KATNAL1: variants seen among roughly 807,000 people sequenced by gnomAD.
KATNAL1 encodes the protein katanin catalytic subunit A1 like 1.
A neutral mutation model predicts 55.2 loss-of-function variants in KATNAL1; 32 were observed. That is an observed-to-expected ratio of 0.58 (90% confidence interval 0.44 to 0.78). The LOEUF (loss-of-function observed/expected upper bound fraction) is 0.78. Ranked by LOEUF, KATNAL1 falls within the 30% of genes least tolerant of loss-of-function variation. KATNAL1 has a pLI of 0.00. For missense variants in KATNAL1, 466 were observed against 600.9 expected (o/e 0.78, Z 2.35); for synonymous variants, 193 against 193.6 (o/e 1.00, Z 0.02).
chr13:30,261,898 A>C (rs1398956961), intron 3 of KATNAL1, among the ~76,000 whole-genome samples: 1 of 151,944 alleles, frequency 6.6e-6, no homozygotes, highest in Non-Finnish European at 1.5e-5. Flanking sequence ...TCTCCACCCC[A>C]AATCAACAGA....
intron 8 of KATNAL1, among the ~76,000 whole-genome samples, chr13:30,227,941 T>G (rs1433391487): frequency 6.6e-6 from 1 of 152,200 alleles, no homozygotes; most frequent in African/African-American, 2.4e-5. Context: ...ATTTTAGTTT[T>G]TAATCTATTT....
At chr13:30,251,139 CA>C (rs34899786) in intron 4 of KATNAL1, among the ~76,000 whole-genome samples, 264 of 85,882 alleles carry the variant, frequency 3.1e-3, no homozygotes, top group Middle Eastern at 0.012. Context: ...GACTCTGCCT[CA>C]AAAAAAAAAA....
chr13:30,298,841 T>C (rs1010955385), intron 1 of KATNAL1, among the ~76,000 whole-genome samples: 2 of 151,262 alleles, frequency 1.3e-5, no homozygotes, highest in Admixed American at 1.3e-4. Context: ...TGCAACAGAG[T>C]AGAAAGAGAA....
At chr13:30,299,143 G>A (rs1882710008) in intron 1 of KATNAL1, among the ~76,000 whole-genome samples, 1 of 152,074 alleles carries the variant, frequency 6.6e-6, no homozygotes, top group African/African-American at 2.4e-5. Context: ...AAGGGTGTAG[G>A]GGGTTGGCAA....
At position 30,240,910 on chromosome 13, in the gene KATNAL1, T is replaced by C. The variant is rs149269379; in HGVS notation, c.620+49A>G. 2.1e-4 allele frequency: 318 copies of C among 1,549,260 alleles called. 2 individuals carry two copies. In the African/African-American group the frequency reaches 3.7e-3, roughly 18 times the overall value. The stretch of plus-strand genomic sequence containing the variant: ...AAAACTCACACACCAAGACAACCTA[T>C]AATTTGTGTTCTCCTCTACTTTAAT... On this transcript the variant is annotated intron_variant, in intron 5 of 10. Coordinates refer to ENST00000380615, the MANE Select transcript of KATNAL1 (RefSeq NM_032116.5).
intron 6 of KATNAL1, among the ~76,000 whole-genome samples, chr13:30,239,703 T>C (rs1175358397): frequency 1.3e-5 from 2 of 149,488 alleles, no homozygotes; most frequent in Admixed American, 1.3e-4. Flanking sequence ...TTTTTTTTTT[T>C]TGAGATGGAG....
At position 30,274,891 on chromosome 13, in the gene KATNAL1, A is replaced by ACATACGCGCGCG. The variant is rs55740915; in HGVS notation, c.323+5171_323+5172insCGCGCGCGTATG. Among the ~76,000 whole-genome samples the ACATACGCGCGCG allele has an allele frequency of 6.1e-3, 741 of 121,506 alleles. 1 individual carries two copies. Among genetic ancestry groups the ACATACGCGCGCG allele is most frequent in the East Asian group, 0.013 (49 of 3,914 alleles). 79.7% of individuals were successfully genotyped at this position (121,506 alleles called of 152,430 possible). On this transcript the variant is annotated intron_variant, in intron 3 of 10. Transcript: ENST00000380615. ...GGGGGCGGGGTGTGTGCACACACAT[A>ACATACGCGCGCG]CGCGCGCGCGCGCGCGCACACACAC... is the stretch of plus-strand genomic sequence containing the variant.
intron 9 of KATNAL1, among the ~76,000 whole-genome samples, chr13:30,216,953 G>C (rs956493015): frequency 3.3e-5 from 5 of 152,084 alleles, no homozygotes; most frequent in Non-Finnish European, 7.4e-5. Context: ...TTCTCCCACT[G>C]AAACAAAGTT....
chr13:30,229,656 T>A (rs1875876194), intron 8 of KATNAL1, among the ~76,000 whole-genome samples: 1 of 152,164 alleles, frequency 6.6e-6, no homozygotes, highest in Non-Finnish European at 1.5e-5. Context: ...AGGTCAAGGC[T>A]GCAGTGAGCT....
chr13:30,267,432 C>A (rs1310990157), intron 3 of KATNAL1, among the ~76,000 whole-genome samples: 1 of 152,152 alleles, frequency 6.6e-6, no homozygotes, highest in Non-Finnish European at 1.5e-5. Flanking sequence ...TGACATACTG[C>A]CAGCATTCAC....
intron 9 of KATNAL1, among the ~76,000 whole-genome samples, chr13:30,224,272 G>A (rs1875214508): frequency 6.6e-6 from 1 of 152,174 alleles, no homozygotes; most frequent in South Asian, 2.1e-4. Flanking sequence ...GCCAGGTGCA[G>A]TAGCTCACAT....
At position 30,290,326 on chromosome 13, in the gene KATNAL1, G is replaced by GA. The variant is rs1364301968; in HGVS notation, c.-14-6536dup. On this transcript the variant is annotated intron_variant, in intron 1 of 10. Transcript: ENST00000380615. Reference sequence around the variant, plus strand: ...CTAGTAGGATTGACCAGGAAAGAGAGAAAAAAAAAAATACACATTACCAAA... The same window carrying GA: ...CTAGTAGGATTGACCAGGAAAGAGAGAAAAAAAAAAAATACACATTACCAAA... 1.8e-3 allele frequency among the ~76,000 whole-genome samples: 255 copies of GA among 143,068 alleles called. 2 individuals carry two copies. The highest frequency in any genetic ancestry group is 4.0e-3 in the Admixed American group (58 of 14,422). The allele number at this position is 143,068 out of a possible 152,430, so 93.9% of individuals were successfully genotyped here.
At chr13:30,240,380 T>A (rs1382605638) in intron 6 of KATNAL1, 80 bp downstream of exon 6, 18 of 996,514 alleles carry the variant, frequency 1.8e-5, no homozygotes, top group Non-Finnish European at 2.8e-5. Flanking sequence ...GTTAAATACA[T>A]CAAAAACTAC....
At chr13:30,261,147 A>C (rs1358834394) in intron 3 of KATNAL1, among the ~76,000 whole-genome samples, 1 of 152,142 alleles carries the variant, frequency 6.6e-6, no homozygotes, top group Non-Finnish European at 1.5e-5. Flanking sequence ...GAAATAAAAT[A>C]CTTTACAGAC....
At chr13:30,269,065 T>TCTCCCC (rs1447278391) in intron 3 of KATNAL1, among the ~76,000 whole-genome samples, 1 of 151,964 alleles carries the variant, frequency 6.6e-6, no homozygotes, top group Non-Finnish European at 1.5e-5. Context: ...TCCCTCTCCC[T>TCTCCCC]CTCCCCCTCC....
At chr13:30,265,595 T>G (rs1879697874) in intron 3 of KATNAL1, among the ~76,000 whole-genome samples, 1 of 152,126 alleles carries the variant, frequency 6.6e-6, no homozygotes, top group Non-Finnish European at 1.5e-5. Flanking sequence ...TTCAACTTAT[T>G]AAATTTAACT....
chr13:30,255,875 T>C (rs566015575), intron 3 of KATNAL1, among the ~76,000 whole-genome samples: 66 of 152,258 alleles, frequency 4.3e-4, no homozygotes, highest in Non-Finnish European at 7.5e-4. Flanking sequence ...AAGTTAATTA[T>C]TAATCACCAA....
At chr13:30,235,815 A>G (rs906258904) in intron 6 of KATNAL1, among the ~76,000 whole-genome samples, 1 of 151,954 alleles carries the variant, frequency 6.6e-6, no homozygotes, top group African/African-American at 2.4e-5. Context: ...AATCCCCCAC[A>G]CTGTCAAAAA....
At chr13:30,241,883 A>G (rs986440004) in intron 4 of KATNAL1, among the ~76,000 whole-genome samples, 3 of 152,238 alleles carry the variant, frequency 2.0e-5, no homozygotes, top group African/African-American at 7.2e-5. Context: ...GTAAGTGACC[A>G]AACAGTATTC....
Sources: gnomAD v4.1 joint callset for allele counts (sites outside exome capture counted in the v4.1 genomes callset) on GRCh38, gnomAD v4.1.1 for gene constraint, MANE v1.5 for transcripts, NCBI Gene and HGNC (gene_info 2026-07-23, HGNC 2026-07-21) for gene names.